TMEM229B: variants seen among roughly 807,000 people sequenced by gnomAD.
TMEM229B encodes the protein chromosome 14 open reading frame 83.
TMEM229B carries 6 observed loss-of-function variants against 13.7 expected under a neutral mutation model. The ratio of observed to expected loss-of-function variants is 0.44; its 90% CI spans 0.24 to 0.86. TMEM229B has a LOEUF of 0.86. TMEM229B is among the 40% of genes least tolerant of loss of function. TMEM229B has a pLI of 0.23. For synonymous variants in TMEM229B, 107 were observed against 102.1 expected (o/e 1.05, Z -0.29); for missense variants, 170 against 236.0 (o/e 0.72, Z 1.83).
intron 1 of TMEM229B, among the ~76,000 whole-genome samples, chr14:67,506,740 C>T (rs929662616): frequency 2.0e-5 from 3 of 152,172 alleles, no homozygotes; most frequent in Non-Finnish European, 4.4e-5. Context: ...AATCCCAACA[C>T]TTTGGGAGGC....
intron 1 of TMEM229B, among the ~76,000 whole-genome samples, chr14:67,506,712 GT>G (rs1437509225): frequency 1.3e-5 from 2 of 152,190 alleles, no homozygotes; most frequent in African/African-American, 2.4e-5. Context: ...TGGGCCAGGA[GT>G]GGTGGCTCAT....
At chr14:67,531,166 A>T (rs2033437522) in intron 1 of TMEM229B, among the ~76,000 whole-genome samples, 1 of 152,180 alleles carries the variant, frequency 6.6e-6, no homozygotes, top group African/African-American at 2.4e-5. Flanking sequence ...TTATAGTCCC[A>T]GCTACCTGGG....
At chr14:67,489,021 C>T (rs2032042010), upstream of TMEM229B, among the ~76,000 whole-genome samples, 1 of 151,970 alleles carries the variant, frequency 6.6e-6, no homozygotes, top group African/African-American at 2.4e-5. Flanking sequence ...GAGTAGATCC[C>T]AGGGGACAGG....
At position 67,473,134 on chromosome 14, in the gene TMEM229B, C is replaced by A. The variant is rs1422855528; in HGVS notation, c.*286G>T. On this transcript the variant is annotated 3_prime_UTR_variant, in exon 3 of 3. Transcript: ENST00000554480. The surrounding 1 kb of genome is among the most constrained non-coding windows in gnomAD (Gnocchi z 6.5). ...CTGCTTCCAAAGTCAACTACATAGT[C>A]CATCGCTGCTCAGCCACAGGCCTCC... 4.4e-6 allele frequency: 2 copies of A among 451,874 alleles called. No individual in the cohort carries two copies. The highest frequency in any genetic ancestry group is 4.1e-6 in the Non-Finnish European group (1 of 245,442). 28.0% of individuals were successfully genotyped at this position (451,874 alleles called of 1,614,324 possible).
intron 1 of TMEM229B, among the ~76,000 whole-genome samples, chr14:67,500,804 C>A (rs539776488): frequency 3.2e-4 from 48 of 151,992 alleles, no homozygotes; most frequent in African/African-American, 1.1e-3. Context: ...ATCTCCTGAA[C>A]TTGTGATCCG....
intron 1 of TMEM229B, among the ~76,000 whole-genome samples, chr14:67,520,512 T>C (rs1195366067): frequency 6.6e-6 from 1 of 152,268 alleles, no homozygotes; most frequent in African/African-American, 2.4e-5. Context: ...TATGGCTTGA[T>C]AGCTTATTTC....
At chr14:67,519,545 A>G (rs2033258204), upstream of TMEM229B, among the ~76,000 whole-genome samples, 1 of 152,124 alleles carries the variant, frequency 6.6e-6, no homozygotes, top group Admixed American at 6.5e-5. Context: ...ACTCTGGTGT[A>G]AGCCCTACTA....
chr14:67,497,904 T>C (rs1267468344), intron 1 of TMEM229B, among the ~76,000 whole-genome samples: 1 of 152,132 alleles, frequency 6.6e-6, no homozygotes, highest in African/African-American at 2.4e-5. Flanking sequence ...CTGCCTTCTG[T>C]ATGGTTGTGC....
chr14:67,487,019 G>A lies in TMEM229B; in HGVS notation c.-38C>T, dbSNP rs1480456972. The A allele has an allele frequency of 6.6e-6, 1 of 152,166 alleles. No homozygotes were observed. The highest frequency in any genetic ancestry group is 1.5e-5 in the Non-Finnish European group (1 of 68,058). 9.4% of individuals were successfully genotyped at this position (152,166 alleles called of 1,614,324 possible). A position where few individuals can be genotyped will look rare whatever the true frequency, so the allele number is the denominator to read the frequency against. ...ACTCACTTATCACACCCTTGAGTGTGCAGCTCACAACAGACATCAGGATCA... is the reference window on the plus strand; with the variant it reads ...ACTCACTTATCACACCCTTGAGTGTACAGCTCACAACAGACATCAGGATCA... On this transcript the variant is annotated 5_prime_UTR_variant, in exon 2 of 3. Coordinates refer to ENST00000554480, the MANE Select transcript of TMEM229B (RefSeq NM_001348543.2).
At chr14:67,518,239 A>G (rs947186325), upstream of TMEM229B, among the ~76,000 whole-genome samples, 4 of 152,244 alleles carry the variant, frequency 2.6e-5, no homozygotes, top group Non-Finnish European at 5.9e-5. Context: ...GGTATGGGCC[A>G]GGAACAGACA....
At chr14:67,533,562 G>A (rs2033556493) in intron 1 of TMEM229B, 1 of 152,058 alleles carries the variant, frequency 6.6e-6, no homozygotes, top group Non-Finnish European at 1.5e-5. Context: ...GCTGGAGCGC[G>A]GGTCTGGCTT....
chr14:67,481,564 T>C (rs1340828808), intron 2 of TMEM229B, among the ~76,000 whole-genome samples: 2 of 152,306 alleles, frequency 1.3e-5, no homozygotes, highest in East Asian at 3.9e-4. Flanking sequence ...AGGTGGCAGC[T>C]CCCAGTGTGG....
rs768865918 is a variant in TMEM229B, at chr14:67,513,755, G to A, written c.-192+1331C>T. Among the ~76,000 whole-genome samples the A allele has an allele frequency of 3.3e-5, 5 of 152,162 alleles. No homozygotes were observed. The South Asian group carries it at 6.2e-4, about 19-fold the overall frequency. On this transcript the variant is annotated intron_variant, in intron 1 of 2. Transcript: ENST00000357461. Reference sequence around the variant, plus strand: ...GCCCTCCAGTGCCTTCTGTCTCACAGGGAAGCAGATGTATCTGTCTTCCAA... The same window carrying A: ...GCCCTCCAGTGCCTTCTGTCTCACAAGGAAGCAGATGTATCTGTCTTCCAA...
At chr14:67,499,812 A>G (rs909068984) in intron 1 of TMEM229B, among the ~76,000 whole-genome samples, 2 of 151,012 alleles carry the variant, frequency 1.3e-5, no homozygotes, top group Non-Finnish European at 2.9e-5. Context: ...TCCCACAGGC[A>G]TGACCATCAC....
intron 2 of TMEM229B, among the ~76,000 whole-genome samples, chr14:67,485,029 T>C (rs1330052899): frequency 6.6e-6 from 1 of 152,248 alleles, no homozygotes; most frequent in Non-Finnish European, 1.5e-5. Context: ...TTCCCATTTC[T>C]ACTACTACAG....
chr14:67,473,419 CTCAG>C lies in TMEM229B; in HGVS notation c.501_504del (p.Asp167GlufsTer23), dbSNP rs754051335. On this transcript the variant is annotated frameshift_variant and stop_lost, in exon 3 of 3. Coordinates refer to ENST00000554480, the MANE Select transcript of TMEM229B (RefSeq NM_001348543.2). LOFTEE classifies it high-confidence loss of function. This position sits in a 1 kb window ranked among gnomAD's most constrained non-coding sequence, Gnocchi z 6.5. ...CCCCAGGCCCCCCACCCGCTTCCTG[CTCAG>C]TCAGTCTTGACATGGCCGTTGGCCA... The C allele has an allele frequency of 2.5e-6, 4 of 1,612,718 alleles. No homozygotes were observed. Among genetic ancestry groups the C allele is most frequent in the African/African-American group, 1.3e-5 (1 of 74,900 alleles).
chr14:67,502,391 G>A (rs72719193), intron 1 of TMEM229B, among the ~76,000 whole-genome samples: 59,200 of 149,812 alleles, frequency 0.4, 13,304 homozygotes, highest in South Asian at 0.54. Flanking sequence ...CCAAACTTTT[G>A]TTATAAACTT....
At chr14:67,487,403 A>G (rs944352779) in intron 1 of TMEM229B, among the ~76,000 whole-genome samples, 8 of 152,212 alleles carry the variant, frequency 5.3e-5, no homozygotes. Context: ...GTCCAGGGTT[A>G]GGACTTAGGG....
chr14:67,497,557 A>C (rs766630746), intron 1 of TMEM229B, among the ~76,000 whole-genome samples: 1 of 152,224 alleles, frequency 6.6e-6, no homozygotes, highest in African/African-American at 2.4e-5. Context: ...GGAACGTTCT[A>C]CTGGACATCA....
Sources: gnomAD v4.1 joint callset for allele counts (sites outside exome capture counted in the v4.1 genomes callset) on GRCh38, gnomAD v4.1.1 for gene constraint, Gnocchi (gnomAD v3.1) non-coding constraint, MANE v1.5 for transcripts, NCBI Gene and HGNC (gene_info 2026-07-23, HGNC 2026-07-21) for gene names.